The following KIAA1549L variants were observed in gnomAD, a reference collection of about 807,000 sequenced individuals.
KIAA1549L encodes UPF0606 protein KIAA1549L.
In KIAA1549L, 88 loss-of-function variants were observed where a neutral mutation model predicts 160.7. That is an observed-to-expected ratio of 0.55 (90% CI 0.46 to 0.65). The LOEUF is 0.65. KIAA1549L is among the 30% of genes least tolerant of loss of function. KIAA1549L has a pLI of 0.00. For synonymous variants in KIAA1549L, 950 were observed against 976.7 expected (o/e 0.97, Z 0.51); for missense variants, 2,258 against 2,437.5 (o/e 0.93, Z 1.55).
At chr11:33,632,669 C>G (rs1254291465) in intron 16 of KIAA1549L, among the ~76,000 whole-genome samples, 1 of 152,150 alleles carries the variant, frequency 6.6e-6, no homozygotes, top group East Asian at 1.9e-4. Flanking sequence ...GCCCCAACCT[C>G]CTTGGCTCAG....
rs1439953181 is a variant in KIAA1549L at position 33,672,096 on chromosome 11, GA to G, written c.*3944del. 1 of 152,238 alleles carries G rather than the reference GA, an allele frequency of 6.6e-6. No homozygotes were observed. The highest frequency in any genetic ancestry group is 1.5e-5 in the Non-Finnish European group (1 of 68,050). The allele number at this position is 152,238 out of a possible 1,614,324, so 9.4% of individuals were successfully genotyped here. ...AATAGAGGGACATTTCACAAACACA[GA>G]ACACGGCTCCCCTACAGGAAAGGGA... is the stretch of plus-strand genomic sequence containing the variant. On this transcript the variant is annotated 3_prime_UTR_variant, in exon 21 of 21. Coordinates refer to ENST00000658780, the MANE Select transcript of KIAA1549L (RefSeq NM_012194.3).
At chr11:33,614,677 A>G (rs1850764087) in intron 15 of KIAA1549L, among the ~76,000 whole-genome samples, 1 of 127,064 alleles carries the variant, frequency 7.9e-6, no homozygotes, top group Non-Finnish European at 1.6e-5. Flanking sequence ...CTGTGGCGCT[A>G]TCTCGGCTCA....
intron 16 of KIAA1549L, 126 bp from the exon 17 acceptor site, chr11:33,645,560 G>A (rs1851694887): frequency 2.8e-6 from 2 of 712,806 alleles, no homozygotes; most frequent in Non-Finnish European, 2.4e-6. Flanking sequence ...AGGGCACGTA[G>A]GATATAATTT....
In KIAA1549L at chr11:33,464,327, T is replaced by C. The variant is rs562368704; in HGVS notation, c.239-77475T>C. Among the ~76,000 whole-genome samples, 334 of 152,352 alleles carry C rather than the reference T, an allele frequency of 2.2e-3. 2 individuals are homozygous for C. Among genetic ancestry groups the C allele is most frequent in the African/African-American group, 7.6e-3 (315 of 41,586 alleles). The stretch of plus-strand genomic sequence containing the variant: ...CAATCAGCAAACCCTTGTCCCTTGG[T>C]TGCTCTGTGTCAGGTCCTACCTACA... On this transcript the variant is annotated intron_variant, in intron 1 of 20. Coordinates refer to ENST00000658780, the MANE Select transcript of KIAA1549L (RefSeq NM_012194.3).
chr11:33,631,162 T>G (rs1256283638), intron 16 of KIAA1549L, among the ~76,000 whole-genome samples: 1 of 152,204 alleles, frequency 6.6e-6, no homozygotes, highest in East Asian at 1.9e-4. Context: ...AAACACACAC[T>G]CTTGTTCAAA....
chr11:33,398,213 C>T (rs929869311), intron 1 of KIAA1549L, among the ~76,000 whole-genome samples: 20 of 151,400 alleles, frequency 1.3e-4, no homozygotes, highest in African/African-American at 4.9e-4. Context: ...TGAGCCACCA[C>T]ACCTGGCCTG....
At chr11:33,413,437 T>C (rs1850823344) in intron 1 of KIAA1549L, among the ~76,000 whole-genome samples, 1 of 79,768 alleles carries the variant, frequency 1.3e-5, no homozygotes, top group Admixed American at 1.3e-4. Flanking sequence ...GACCCTGTCT[T>C]TAAAAAAAAA....
At chr11:33,501,687 G>T (rs1852951916) in intron 1 of KIAA1549L, among the ~76,000 whole-genome samples, 1 of 152,106 alleles carries the variant, frequency 6.6e-6, no homozygotes, top group Non-Finnish European at 1.5e-5. Flanking sequence ...TTGTATATGT[G>T]GAGAATAGTG....
At position 33,585,569 on chromosome 11, in the gene KIAA1549L, C is replaced by T. The variant is rs1358768430; in HGVS notation, c.4566+2068C>T. 2.0e-5 allele frequency among the ~76,000 whole-genome samples: 3 copies of T among 152,076 alleles called. 1 individual carries two copies. Among genetic ancestry groups the T allele is most frequent in the Middle Eastern group, 6.3e-3 (2 of 316 alleles). The stretch of plus-strand genomic sequence containing the variant: ...AAGAGTGTGTATTTCATCTTCATCT[C>T]AGCTTAGTTACAACATGAGCCTTTT... On this transcript the variant is annotated intron_variant, in intron 11 of 20. Transcript: ENST00000658780.
In KIAA1549L at chr11:33,598,853, C is replaced by T. The variant is rs1468615636; in HGVS notation, c.4785C>T (p.Ser1595=). Residue 1595 remains serine, a synonymous_variant, in exon 13 of 21, where the codon AGC becomes AGT. Coordinates refer to ENST00000658780, the MANE Select transcript of KIAA1549L (RefSeq NM_012194.3). ...RSPSENGSVI[S]NESGKPSSGR... Reference sequence around the variant, plus strand: ...CCAGTGAGAATGGCTCTGTCATCAGCAACGAATCAGGGAAGCCCAGCTCAG... The same window carrying T: ...CCAGTGAGAATGGCTCTGTCATCAGTAACGAATCAGGGAAGCCCAGCTCAG... 5 of 1,613,934 alleles carry T rather than the reference C, an allele frequency of 3.1e-6. No individual in the cohort carries two copies. In the Middle Eastern group the frequency reaches 5.0e-4, roughly 160 times the overall value.
At chr11:33,483,677 A>T (rs945305595) in intron 1 of KIAA1549L, among the ~76,000 whole-genome samples, 2 of 151,980 alleles carry the variant, frequency 1.3e-5, no homozygotes, top group Non-Finnish European at 2.9e-5. Context: ...ATCATGGGGG[A>T]TGGTTTCACC....
At chr11:33,511,096 C>T (rs1446666331) in intron 1 of KIAA1549L, among the ~76,000 whole-genome samples, 1 of 152,206 alleles carries the variant, frequency 6.6e-6, no homozygotes, top group Non-Finnish European at 1.5e-5. Flanking sequence ...GGGCTAGGCT[C>T]AGCCAATCAG....
intron 1 of KIAA1549L, among the ~76,000 whole-genome samples, chr11:33,457,678 C>T (rs1590259241): frequency 6.6e-6 from 1 of 152,328 alleles, no homozygotes; most frequent in Non-Finnish European, 1.5e-5. Flanking sequence ...AACAAGCATT[C>T]ATTGAGCCCA....
In KIAA1549L at chr11:33,439,211, C is replaced by T. The variant is rs2761194; in HGVS notation, c.238+62322C>T. On this transcript the variant is annotated intron_variant, in intron 1 of 20. Transcript: ENST00000658780. ...ACGGGTGTGAGCCACCGTGTCTGGC[C>T]TAAATTGAAATTTTTAATTGTGAAA... Among the ~76,000 whole-genome samples the T allele has an allele frequency of 8.1e-3, 1,223 of 151,784 alleles. 21 individuals are homozygous for T. Among genetic ancestry groups the T allele is most frequent in the African/African-American group, 0.028 (1,171 of 41,386 alleles).
chr11:33,559,133 C>T (rs1000206508), intron 6 of KIAA1549L, among the ~76,000 whole-genome samples: 19 of 152,162 alleles, frequency 1.2e-4, no homozygotes, highest in African/African-American at 2.4e-4. Flanking sequence ...CCACCGTGCC[C>T]GGCCTCTGAA....
At chr11:33,545,429 G>A (rs1210873501) in intron 3 of KIAA1549L, 51 bp downstream of exon 3, 1 of 1,538,886 alleles carries the variant, frequency 6.5e-7, no homozygotes, top group Admixed American at 1.9e-5. Flanking sequence ...CCTCAGAGAT[G>A]TAACCATAAT....
chr11:33,585,623 C>T (rs923378286), intron 11 of KIAA1549L, among the ~76,000 whole-genome samples: 13 of 152,234 alleles, frequency 8.5e-5, no homozygotes, highest in Admixed American at 7.8e-4. Context: ...CAGAATCTAA[C>T]TGTACCCACA....
chr11:33,590,755 C>A (rs1850028746), intron 11 of KIAA1549L, among the ~76,000 whole-genome samples: 1 of 152,180 alleles, frequency 6.6e-6, no homozygotes, highest in Non-Finnish European at 1.5e-5. Context: ...CTTCAGTTCT[C>A]AGATGAAAAA....
chr11:33,627,725 T>C (rs1851159357), intron 16 of KIAA1549L, among the ~76,000 whole-genome samples: 1 of 152,168 alleles, frequency 6.6e-6, no homozygotes, highest in Non-Finnish European at 1.5e-5. Context: ...GTTGATCCTT[T>C]CAAAAAACCA....
Sources: allele counts gnomAD v4.1 joint callset (sites outside exome capture counted in the v4.1 genomes callset), GRCh38; gene constraint gnomAD v4.1.1; transcripts MANE v1.5; gene names NCBI Gene and HGNC (gene_info 2026-07-23, HGNC 2026-07-21).